CDH3: variants seen among roughly 807,000 people sequenced by gnomAD.
The protein encoded by CDH3 is cadherin 3.
CDH3 carries 54 observed loss-of-function variants against 82.0 expected under a neutral mutation model. The observed-to-expected ratio is 0.66, with a 90% CI of 0.53 to 0.83. CDH3 has a LOEUF of 0.83. CDH3 is among the 40% of genes least tolerant of loss of function. The pLI, the probability that CDH3 is intolerant of heterozygous loss-of-function variation, is 0.00. For synonymous variants in CDH3, 446 were observed against 437.9 expected, an observed-to-expected ratio of 1.02 and a Z score of -0.23; for missense variants, 1,054 against 1,084.6, an observed-to-expected ratio of 0.97 and a Z score of 0.40.
In CDH3 at chr16:68,678,906, G is replaced by C. The variant is rs886052230; in HGVS notation, c.691G>C (p.Gly231Arg). Residue 231 changes from glycine to arginine, a missense_variant and splice_region_variant, in exon 6 of 16, where the codon GGT (glycine) becomes CGT (arginine). Physicochemically the swap from Gly to Arg is moderately radical, Grantham distance 125. Transcript: ENST00000264012. ...RGSVLEGVLP[G>R]TSVMQVTATD... ...GAGTGTCTTAGAGGGAGTCCTACCA[G>C]GTAAGAGGACTGGGAAGGGGACTGC... is the stretch of plus-strand genomic sequence containing the variant. The C allele has an allele frequency of 1.5e-5, 25 of 1,613,304 alleles. No homozygotes were observed. The highest frequency in any genetic ancestry group is 2.0e-5 in the Non-Finnish European group (24 of 1,179,882).
rs562972560 is a variant in CDH3, at chr16:68,695,585, C to G, written c.2134-192C>G. Reference sequence around the variant, plus strand: ...TGGCCCTAGCCAAGTTAACCTCAAGCCTATGTTTAATTTGCTAGGACAAGG... The same window carrying G: ...TGGCCCTAGCCAAGTTAACCTCAAGGCTATGTTTAATTTGCTAGGACAAGG... On this transcript the variant is annotated intron_variant, in intron 14 of 15. Coordinates refer to ENST00000264012, the MANE Select transcript of CDH3 (RefSeq NM_001793.6). 4.6e-5 allele frequency among the ~76,000 whole-genome samples: 7 copies of G among 152,326 alleles called. No individual in the cohort carries two copies. In the East Asian group the frequency reaches 1.4e-3, roughly 29 times the overall value.
chr16:68,682,556 G>C (rs974407878), intron 9 of CDH3, 69 bp downstream of exon 9: 1 of 1,460,954 alleles, frequency 6.8e-7, no homozygotes, highest in Non-Finnish European at 9.6e-7. Flanking sequence ...TCAGGATGAG[G>C]AGCCACTGTC....
chr16:68,663,618 A>G (rs2152094289), intron 2 of CDH3, among the ~76,000 whole-genome samples: 1 of 151,832 alleles, frequency 6.6e-6, no homozygotes, highest in African/African-American at 2.4e-5. Flanking sequence ...AGATTTTTGC[A>G]CCCATTTATA....
chr16:68,649,579 C>T (rs919919159), intron 2 of CDH3, among the ~76,000 whole-genome samples: 1 of 152,106 alleles, frequency 6.6e-6, no homozygotes, highest in Non-Finnish European at 1.5e-5. Context: ...AGGTTTTATT[C>T]CATTTGGTCC....
intron 11 of CDH3, among the ~76,000 whole-genome samples, chr16:68,686,211 C>T (rs1961406377): frequency 6.6e-6 from 1 of 152,158 alleles, no homozygotes; most frequent in African/African-American, 2.4e-5. Flanking sequence ...CAGTGGCCTG[C>T]ACAGGGCCCT....
Position 68,672,661 on chromosome 16 carries a change from G to A in CDH3, c.161-3724G>A, listed in dbSNP as rs535658204. On this transcript the variant is annotated intron_variant, in intron 2 of 15. Transcript: ENST00000264012. Reference sequence around the variant, plus strand: ...CCTCCCACTGGCCAAGCACGTCACAGCCCAGCACTCCTCGGCGGGGATGTC... The same window carrying A: ...CCTCCCACTGGCCAAGCACGTCACAACCCAGCACTCCTCGGCGGGGATGTC... Among the ~76,000 whole-genome samples, 14 of 152,292 alleles carry A rather than the reference G, an allele frequency of 9.2e-5. No individual in the cohort carries two copies. In the Middle Eastern group the frequency reaches 0.01, roughly 111 times the overall value.
At position 68,695,900 on chromosome 16, in the gene CDH3, G is replaced by T; in HGVS notation, c.2257G>T (p.Glu753Ter). The T allele has an allele frequency of 1.2e-6, 2 of 1,614,152 alleles. No individual in the cohort carries two copies. Among genetic ancestry groups the T allele is most frequent in the Non-Finnish European group, 1.7e-6 (2 of 1,180,040 alleles). The change falls in exon 15 of 16, where the codon GAA (glutamate) becomes TAA (stop). Residue 753 changes from glutamate (E) to a stop codon, truncating the protein, a stop_gained. Coordinates refer to ENST00000264012, the MANE Select transcript of CDH3 (RefSeq NM_001793.6). LOFTEE classifies it high-confidence loss of function. Reference protein sequence around the residue: ...MYRPRPANPDEIGNFIIENLK... With the variant: ...MYRPRPANPD ...CCGTCCTCGGCCAGCCAACCCAGAT[G>T]AAATCGGCAACTTTATAATTGAGGT...
intron 1 of CDH3, among the ~76,000 whole-genome samples, chr16:68,712,690 T>A (rs1032372810): frequency 6.7e-6 from 1 of 148,998 alleles, no homozygotes; most frequent in Non-Finnish European, 1.5e-5. Context: ...CCAGGTTCCT[T>A]TTTTTTTTTG....
Position 68,645,615 on chromosome 16 carries a change from ACT to A in CDH3, c.46-16_46-15del, listed in dbSNP as rs1249715630. ...GGCACGCCTGGACCCAGCCTCCTTC[ACT>A]CTCTGCCCTCGGGCGCAGGTTTGCT... On this transcript the variant is annotated intron_variant, in intron 1 of 15. Coordinates refer to ENST00000264012, the MANE Select transcript of CDH3 (RefSeq NM_001793.6). The A allele has an allele frequency of 6.5e-7, 1 of 1,534,474 alleles. No individual in the cohort carries two copies. Among genetic ancestry groups the A allele is most frequent in the East Asian group, 2.5e-5 (1 of 40,788 alleles).
Position 68,677,926 on chromosome 16 carries a change from C to CT in CDH3, c.247-194dup, listed in dbSNP as rs376882052. On this transcript the variant is annotated intron_variant, in intron 3 of 15. Transcript: ENST00000264012. Reference sequence around the variant, plus strand: ...CTCATCTAGGTCTCCTCACCCTTAACTTTTTTTTTTTTTTAATTTAACTTA... The same window carrying CT: ...CTCATCTAGGTCTCCTCACCCTTAACTTTTTTTTTTTTTTTAATTTAACTTA... 7.5e-3 allele frequency among the ~76,000 whole-genome samples: 1,091 copies of CT among 145,634 alleles called. 16 individuals are homozygous for CT. The highest frequency in any genetic ancestry group is 0.023 in the African/African-American group (922 of 39,948).
In CDH3 at chr16:68,695,700, TGTGGGGTGAGATGTAAGTGGCAGGGGA is replaced by T. The variant is rs1048480034; in HGVS notation, c.2134-70_2134-44del. ...GCCAGAGTATCCAAAGGGTAGGGGGTGTGGGGTGAGATGTAAGTGGCAGGGGAGTGGGGGACAGGAGTCCTCAGTCAC... is the reference window on the plus strand; with the variant it reads ...GCCAGAGTATCCAAAGGGTAGGGGGTGTGGGGGACAGGAGTCCTCAGTCAC... On this transcript the variant is annotated intron_variant, in intron 14 of 15. Transcript: ENST00000264012. 1.3e-5 allele frequency: 20 copies of T among 1,511,220 alleles called. No individual in the cohort carries two copies. In the African/African-American group the frequency reaches 1.4e-4, roughly 10 times the overall value. The allele number at this position is 1,511,220 out of a possible 1,614,324, so 93.6% of individuals were successfully genotyped here.
intron 2 of CDH3, among the ~76,000 whole-genome samples, chr16:68,652,183 A>G (rs1960269189): frequency 6.6e-6 from 1 of 152,124 alleles, no homozygotes; most frequent in South Asian, 2.1e-4. Flanking sequence ...ATATCCATAA[A>G]TGTGGCTCCG....
chr16:68,702,032 TATATATCTATAG>T (rs1387224018), downstream of CDH3, among the ~76,000 whole-genome samples: 2 of 151,798 alleles, frequency 1.3e-5, no homozygotes, highest in African/African-American at 4.8e-5. Flanking sequence ...CTAAAAAATA[TATATATCTATAG>T]ATATATCTAT....
intron 1 of CDH3, among the ~76,000 whole-genome samples, chr16:68,711,804 G>A (rs959921320): frequency 2.0e-5 from 3 of 152,180 alleles, no homozygotes; most frequent in Admixed American, 2.0e-4. Flanking sequence ...AGGAGCAGAG[G>A]AACCCTGCTT....
chr16:68,716,620 C>CAAAAA (rs563385107), intron 1 of CDH3, among the ~76,000 whole-genome samples: 3 of 103,064 alleles, frequency 2.9e-5, no homozygotes, highest in Non-Finnish European at 5.4e-5. Flanking sequence ...GACTCCGGCT[C>CAAAAA]AAAAAAAAAA....
Position 68,645,724 on chromosome 16 carries a change from A to G in CDH3, c.134A>G (p.Gln45Arg). The G allele has an allele frequency of 1.3e-6, 2 of 1,545,084 alleles. No homozygotes were observed. The highest frequency in any genetic ancestry group is 2.4e-5 in the South Asian group (2 of 83,882). Residue 45 changes from glutamine (Q) to arginine (R), a missense_variant, in exon 2 of 16, where the codon CAG becomes CGG. Gln to Arg is a conservative substitution (Grantham distance 43, BLOSUM62 1). Transcript: ENST00000264012. ...EVTLEAGGAE[Q>R]EPGQALGKVF... The stretch of plus-strand genomic sequence containing the variant: ...ACCTTGGAGGCGGGAGGCGCGGAGC[A>G]GGAGCCCGGCCAGGCGCTGGGGAAA...
At chr16:68,712,377 A>C (rs1365773139) in intron 1 of CDH3, among the ~76,000 whole-genome samples, 1 of 152,122 alleles carries the variant, frequency 6.6e-6, no homozygotes, top group African/African-American at 2.4e-5. Flanking sequence ...GGGAGTAAAC[A>C]GTGGCCAAGC....
downstream of CDH3, among the ~76,000 whole-genome samples, chr16:68,701,955 C>T (rs554657880): frequency 4.6e-5 from 7 of 151,908 alleles, no homozygotes; most frequent in African/African-American, 1.7e-4. Flanking sequence ...ACCCGGGAGG[C>T]GGAGGTTGCA....
intron 2 of CDH3, among the ~76,000 whole-genome samples, chr16:68,662,307 G>GT (rs1362999607): frequency 1.3e-5 from 2 of 152,094 alleles, no homozygotes; most frequent in South Asian, 2.1e-4. Flanking sequence ...TAAAGAGTTT[G>GT]TTTTTTAGGA....
Sources: gnomAD v4.1 joint callset for allele counts (sites outside exome capture counted in the v4.1 genomes callset) on GRCh38, gnomAD v4.1.1 for gene constraint, MANE v1.5 for transcripts, NCBI Gene and HGNC (gene_info 2026-07-23, HGNC 2026-07-21) for gene names.